SLC9B2: variants seen among roughly 807,000 people sequenced by gnomAD.
The protein encoded by SLC9B2 is solute carrier family 9 member B2, also known as sodium/hydrogen exchanger 9B2.
A neutral mutation model predicts 52.2 loss-of-function variants in SLC9B2; 39 were observed. The observed-to-expected ratio is 0.75, with a 90% CI of 0.58 to 0.98. The LOEUF (loss-of-function observed/expected upper bound fraction) is 0.98. Ranked by LOEUF, SLC9B2 falls within the 50% of genes least tolerant of loss-of-function variation. SLC9B2 has a pLI of 0.00. For synonymous variants in SLC9B2, 214 were observed against 227.0 expected, an observed-to-expected ratio of 0.94 and a Z score of 0.51; for missense variants, 626 against 637.5, an observed-to-expected ratio of 0.98 and a Z score of 0.19.
intron 10 of SLC9B2, among the ~76,000 whole-genome samples, chr4:103,031,489 T>C (rs963619889): frequency 3.9e-5 from 6 of 152,214 alleles, no homozygotes; most frequent in African/African-American, 1.4e-4. Context: ...ATGTGTAAAA[T>C]ATACCATCTT....
chr4:103,027,556 G>A (rs1742332118), intron 11 of SLC9B2, among the ~76,000 whole-genome samples: 1 of 152,064 alleles, frequency 6.6e-6, no homozygotes, highest in Admixed American at 6.6e-5. Context: ...CAGTGCAGAT[G>A]GGAAAAATGT....
intron 3 of SLC9B2, among the ~76,000 whole-genome samples, chr4:103,061,721 G>A (rs1178953667): frequency 6.6e-6 from 1 of 152,140 alleles, no homozygotes; most frequent in Admixed American, 6.5e-5. Context: ...GCCACCTTGA[G>A]TGCTTACTGA....
chr4:103,075,190 C>T (rs532000028), intron 1 of SLC9B2, among the ~76,000 whole-genome samples: 3 of 152,266 alleles, frequency 2.0e-5, no homozygotes, highest in South Asian at 2.1e-4. Context: ...TGCTCTGTCA[C>T]CTAGGCTGGA....
In SLC9B2 at chr4:103,043,352, C is replaced by A; in HGVS notation, c.1090G>T (p.Gly364Ter). ...AAAGCCATGACCAACGTGCACAGTC[C>A]TCCTGATCCAGGGAAACCAAAATGC... is the stretch of plus-strand genomic sequence containing the variant. ...SVHFGFPGSG[G>*]LCTLVMAFLA... is the part of the protein sequence containing the mutation. The change falls in exon 9 of 12, where the codon GGA becomes TGA. Residue 364 changes from glycine (G) to a stop codon, truncating the protein, a stop_gained. Coordinates refer to ENST00000394785, the MANE Select transcript of SLC9B2 (RefSeq NM_178833.7). LOFTEE classifies it high-confidence loss of function. 6.2e-7 allele frequency: 1 copy of A among 1,613,836 alleles called. No individual in the cohort carries two copies. The highest frequency in any genetic ancestry group is 1.1e-5 in the South Asian group (1 of 91,054).
intron 9 of SLC9B2, among the ~76,000 whole-genome samples, chr4:103,039,772 G>A (rs1029617321): frequency 1.3e-5 from 2 of 150,608 alleles, no homozygotes; most frequent in African/African-American, 4.9e-5. Context: ...TCAGCCTCCC[G>A]AGTAGCTGGG....
At chr4:103,056,023 C>T (rs948009849) in intron 4 of SLC9B2, among the ~76,000 whole-genome samples, 3 of 151,936 alleles carry the variant, frequency 2.0e-5, no homozygotes, top group African/African-American at 7.3e-5. Context: ...CCAGGATGGT[C>T]TCAATCTCCT....
chr4:103,048,237 CACA>C (rs1482357331), intron 6 of SLC9B2, among the ~76,000 whole-genome samples: 2 of 152,162 alleles, frequency 1.3e-5, no homozygotes, highest in Non-Finnish European at 1.5e-5. Context: ...ATTTAATCCT[CACA>C]ACAACCCTAT....
intron 9 of SLC9B2, among the ~76,000 whole-genome samples, chr4:103,040,393 G>A (rs545383095): frequency 2.0e-5 from 3 of 152,268 alleles, no homozygotes; most frequent in South Asian, 4.1e-4. Context: ...TGATTATAAT[G>A]CTTCAGACTA....
At chr4:103,047,385 T>A (rs1744251942) in intron 6 of SLC9B2, among the ~76,000 whole-genome samples, 159 bp from the exon 7 acceptor site, 1 of 152,178 alleles carries the variant, frequency 6.6e-6, no homozygotes, top group African/African-American at 2.4e-5. Flanking sequence ...GAATTGTTTT[T>A]TGTTTTTTTT....
chr4:103,046,294 T>A (rs1438744732), intron 7 of SLC9B2, among the ~76,000 whole-genome samples: 1 of 152,232 alleles, frequency 6.6e-6, no homozygotes, highest in Non-Finnish European at 1.5e-5. Flanking sequence ...ATTTTGAACA[T>A]AAGATTAAGA....
chr4:103,057,983 C>A lies in SLC9B2; in HGVS notation c.272-12G>T. On this transcript the variant is annotated splice_polypyrimidine_tract_variant and intron_variant, in intron 3 of 11. Transcript: ENST00000394785. ...AACAATGATGGTAACTGAAATAAAC[C>A]AGGAATACTAGTTACTATCAATAAG... 6.3e-7 allele frequency: 1 copy of A among 1,599,050 alleles called. No individual in the cohort carries two copies. The highest frequency in any genetic ancestry group is 8.5e-7 in the Non-Finnish European group (1 of 1,175,994).
At chr4:103,071,171 T>A (rs1354877752) in intron 1 of SLC9B2, among the ~76,000 whole-genome samples, 2 of 151,912 alleles carry the variant, frequency 1.3e-5, no homozygotes, top group Admixed American at 1.3e-4. Flanking sequence ...AGGATTTTCT[T>A]ATGTAATTTG....
chr4:103,066,283 T>C (rs377344403), intron 3 of SLC9B2, 44 bp downstream of exon 3: 27 of 1,580,638 alleles, frequency 1.7e-5, no homozygotes, highest in African/African-American at 1.6e-4. Flanking sequence ...TCTGCCATTA[T>C]AACAACTTCA....
chr4:103,062,993 C>T (rs1195702376), intron 3 of SLC9B2, among the ~76,000 whole-genome samples: 1 of 152,212 alleles, frequency 6.6e-6, no homozygotes, highest in Non-Finnish European at 1.5e-5. Context: ...ACCTCTGGAA[C>T]AGAAGAACAG....
intron 1 of SLC9B2, among the ~76,000 whole-genome samples, chr4:103,068,288 C>T (rs866487300): frequency 6.6e-6 from 1 of 152,178 alleles, no homozygotes; most frequent in South Asian, 2.1e-4. Flanking sequence ...ACACATTCTC[C>T]CTTGGCTTTC....
At position 103,046,712 on chromosome 4, in the gene SLC9B2, T is replaced by TCTCCACACATCTTTTGTGTGAAGG. The variant is rs1560548894; in HGVS notation, c.889+338_889+339insCCTTCACACAAAAGATGTGTGGAG. Reference sequence around the variant, plus strand: ...GTCTCCACACATCTTTTGTGTGAAGTCTCCACACATCTTTTGTGTGAAGTC... The same window carrying TCTCCACACATCTTTTGTGTGAAGG: ...GTCTCCACACATCTTTTGTGTGAAGTCTCCACACATCTTTTGTGTGAAGGCTCCACACATCTTTTGTGTGAAGTC... On this transcript the variant is annotated intron_variant, in intron 7 of 11. Transcript: ENST00000394785. 2.2e-3 allele frequency among the ~76,000 whole-genome samples: 332 copies of TCTCCACACATCTTTTGTGTGAAGG among 148,146 alleles called. 1 individual carries two copies. Among genetic ancestry groups the TCTCCACACATCTTTTGTGTGAAGG allele is most frequent in the African/African-American group, 7.2e-3 (295 of 41,122 alleles).
intron 4 of SLC9B2, 134 bp from the exon 5 acceptor site, chr4:103,050,516 T>C (rs542932758): frequency 3.8e-6 from 3 of 786,338 alleles, no homozygotes. Context: ...TAAGTTAAAC[T>C]TTTAAGTAAA....
chr4:103,021,673 CAT>C (rs1189094979), downstream of SLC9B2, among the ~76,000 whole-genome samples: 2 of 152,202 alleles, frequency 1.3e-5, no homozygotes, highest in South Asian at 2.1e-4. Flanking sequence ...ACACTTTCTA[CAT>C]AGTTTCATAC....
chr4:103,034,925 G>A (rs1358730980), intron 9 of SLC9B2, among the ~76,000 whole-genome samples: 1 of 152,000 alleles, frequency 6.6e-6, no homozygotes, highest in Non-Finnish European at 1.5e-5. Context: ...GAAGTAAACT[G>A]CGTGACCAAA....
Sources: gnomAD v4.1 joint callset for allele counts (sites outside exome capture counted in the v4.1 genomes callset) on GRCh38, gnomAD v4.1.1 for gene constraint, MANE v1.5 for transcripts, NCBI Gene and HGNC (gene_info 2026-07-23, HGNC 2026-07-21) for gene names.